EXOC6: variants seen among roughly 807,000 people sequenced by gnomAD.
The protein encoded by EXOC6 is exocyst complex component 6, also known as SEC15-like 1.
In EXOC6, 60 loss-of-function variants were observed where a neutral mutation model predicts 112.5. The ratio of observed to expected loss-of-function variants is 0.53; its 90% CI spans 0.43 to 0.66. The LOEUF (loss-of-function observed/expected upper bound fraction) is 0.66, where lower values mean the gene tolerates loss of function less well. Ranked by LOEUF, EXOC6 falls within the 30% of genes least tolerant of loss-of-function variation. The pLI is 0.00. For synonymous variants in EXOC6, 295 were observed against 308.0 expected, an observed-to-expected ratio of 0.96 and a Z score of 0.44; for missense variants, 855 against 957.1, an observed-to-expected ratio of 0.89 and a Z score of 1.41.
intron 18 of EXOC6, among the ~76,000 whole-genome samples, chr10:92,975,318 C>T (rs925949914): frequency 1.3e-5 from 2 of 149,954 alleles, no homozygotes; most frequent in Non-Finnish European, 3.0e-5. Flanking sequence ...AGTGAGGAGA[C>T]CCTCTGCCTG....
intron 18 of EXOC6, among the ~76,000 whole-genome samples, chr10:92,982,163 G>A (rs560433372): frequency 6.6e-6 from 1 of 152,070 alleles, no homozygotes; most frequent in Admixed American, 6.6e-5. Context: ...GTAATAATAT[G>A]AATTTACTGT....
At chr10:92,929,443 T>C (rs1010382830) in intron 9 of EXOC6, among the ~76,000 whole-genome samples, 2 of 152,214 alleles carry the variant, frequency 1.3e-5, no homozygotes, top group Non-Finnish European at 2.9e-5. Context: ...TGCACCTTCA[T>C]TCCAGAGTTA....
chr10:92,837,228 T>C (rs1431786894), intron 1 of EXOC6, among the ~76,000 whole-genome samples: 2 of 151,870 alleles, frequency 1.3e-5, no homozygotes, highest in Non-Finnish European at 2.9e-5. Context: ...GAATATTCAG[T>C]TGTGGAAGCC....
intron 7 of EXOC6, among the ~76,000 whole-genome samples, chr10:92,917,525 T>C (rs991946210): frequency 7.5e-6 from 1 of 133,954 alleles, no homozygotes; most frequent in Non-Finnish European, 1.5e-5. Flanking sequence ...CTCGTTCTTT[T>C]TTTCTTTCTT....
chr10:92,881,508 A>T lies in EXOC6; in HGVS notation c.102-11841A>T, dbSNP rs1848964058. On this transcript the variant is annotated intron_variant, in intron 1 of 21. Coordinates refer to ENST00000260762, the MANE Select transcript of EXOC6 (RefSeq NM_019053.6). ...AAGGAATAATTGTGCTCTGTATTAA[A>T]GTTGCCTGTGTATATGCCTGTTTTC... is the stretch of plus-strand genomic sequence containing the variant. Among the ~76,000 whole-genome samples, 6 of 152,318 alleles carry T rather than the reference A, an allele frequency of 3.9e-5. No individual in the cohort carries two copies. The South Asian group carries it at 1.2e-3, about 32-fold the overall frequency.
At chr10:92,999,349 T>G (rs910464640) in intron 19 of EXOC6, 4 of 375,258 alleles carry the variant, frequency 1.1e-5, no homozygotes, top group Non-Finnish European at 2.0e-5. Context: ...AGGCGTGAGC[T>G]ACTGTGCCTG....
At chr10:92,917,799 C>A (rs1447317442) in intron 7 of EXOC6, among the ~76,000 whole-genome samples, 1 of 152,182 alleles carries the variant, frequency 6.6e-6, no homozygotes, top group Non-Finnish European at 1.5e-5. Context: ...CTCAGCCTTC[C>A]AAAGTGCTGA....
At chr10:93,050,753 C>G in intron 20 of EXOC6, among the ~76,000 whole-genome samples, 1 of 1,218 alleles carries the variant, frequency 8.2e-4, no homozygotes, top group Non-Finnish European at 1.4e-3. Context: ...AAGCGAGACT[C>G]CGTCTCAAAA....
chr10:92,939,517 G>A (rs1393251810), intron 12 of EXOC6, among the ~76,000 whole-genome samples: 2 of 151,966 alleles, frequency 1.3e-5, no homozygotes, highest in Non-Finnish European at 2.9e-5. Context: ...TAGGAAATAA[G>A]AGGAATACTT....
At chr10:92,969,276 A>G (rs1180088997) in intron 17 of EXOC6, among the ~76,000 whole-genome samples, 2 of 152,124 alleles carry the variant, frequency 1.3e-5, no homozygotes, top group Non-Finnish European at 2.9e-5. Flanking sequence ...CAGCCAAGCA[A>G]CATGGAAAGG....
At chr10:92,976,508 C>T (rs1842617575) in intron 18 of EXOC6, among the ~76,000 whole-genome samples, 2 of 151,398 alleles carry the variant, frequency 1.3e-5, no homozygotes, top group South Asian at 2.1e-4. Flanking sequence ...TCTCAAGTAC[C>T]CAGGGACACA....
Position 92,937,531 on chromosome 10 carries a change from C to T in EXOC6, c.1212+1646C>T, listed in dbSNP as rs147067698. ...ATTCTTAAACCTAAAGAGAAGATTCCACAAGCTCCTTTAGTAAATTATTTT... is the reference window on the plus strand; with the variant it reads ...ATTCTTAAACCTAAAGAGAAGATTCTACAAGCTCCTTTAGTAAATTATTTT... On this transcript the variant is annotated intron_variant, in intron 12 of 21. Coordinates refer to ENST00000260762, the MANE Select transcript of EXOC6 (RefSeq NM_019053.6). Among the ~76,000 whole-genome samples the T allele has an allele frequency of 3.2e-3, 487 of 152,196 alleles. 7 individuals are homozygous for T. Among genetic ancestry groups the T allele is most frequent in the African/African-American group, 0.011 (459 of 41,546 alleles).
At chr10:92,846,619 G>A (rs534353592), upstream of EXOC6, among the ~76,000 whole-genome samples, 2 of 152,322 alleles carry the variant, frequency 1.3e-5, no homozygotes, top group South Asian at 2.1e-4. Flanking sequence ...ATGGAAGACT[G>A]TCTTAGCTCA....
chr10:92,833,961 TTC>T (rs555864454), upstream of EXOC6, among the ~76,000 whole-genome samples: 1 of 152,156 alleles, frequency 6.6e-6, no homozygotes, highest in South Asian at 2.1e-4. Context: ...GACATCTTCA[TTC>T]TCTTTCTTCC....
intron 20 of EXOC6, among the ~76,000 whole-genome samples, chr10:93,037,657 C>T (rs1283475313): frequency 6.6e-6 from 1 of 151,978 alleles, no homozygotes; most frequent in African/African-American, 2.4e-5. Flanking sequence ...CCAGGCTGGT[C>T]TCAAACTCCT....
chr10:92,879,687 T>G (rs61860839), intron 1 of EXOC6, among the ~76,000 whole-genome samples: 3,351 of 150,234 alleles, frequency 0.022, 56 homozygotes, highest in African/African-American at 0.043. Flanking sequence ...TCAGTACTGA[T>G]TTCCCATCAG....
chr10:93,039,009 A>G (rs891476900), intron 20 of EXOC6, among the ~76,000 whole-genome samples: 9 of 151,614 alleles, frequency 5.9e-5, no homozygotes, highest in African/African-American at 2.2e-4. Flanking sequence ...CTATATATGT[A>G]TATATATATA....
intron 19 of EXOC6, among the ~76,000 whole-genome samples, chr10:93,012,371 A>C (rs547694637): frequency 1.3e-5 from 2 of 152,230 alleles, no homozygotes; most frequent in Non-Finnish European, 2.9e-5. Context: ...TTTTAATAGA[A>C]CAAAAAAACA....
intron 19 of EXOC6, among the ~76,000 whole-genome samples, chr10:93,002,204 T>C (rs1467321231): frequency 6.6e-6 from 1 of 152,232 alleles, no homozygotes; most frequent in Non-Finnish European, 1.5e-5. Context: ...GGTTGGTTTT[T>C]ATTTTAGGAT....
Sources: allele counts gnomAD v4.1 joint callset (sites outside exome capture counted in the v4.1 genomes callset), GRCh38; gene constraint gnomAD v4.1.1; transcripts MANE v1.5; gene names NCBI Gene and HGNC (gene_info 2026-07-23, HGNC 2026-07-21).